WDR48: variants seen among roughly 807,000 people sequenced by gnomAD.
WDR48 encodes the protein WD repeat-containing protein 48.
Under a neutral mutation model 94.0 loss-of-function variants are expected in WDR48, and 22 were observed. The ratio of observed to expected loss-of-function variants is 0.23; its 90% CI spans 0.17 to 0.33. The LOEUF is 0.33. WDR48 is among the 10% of genes least tolerant of loss of function. WDR48 has a pLI of 1.00. For missense variants in WDR48, 541 were observed against 813.8 expected (o/e 0.66, Z 4.08); for synonymous variants, 278 against 280.5 (o/e 0.99, Z 0.09).
At chr3:39,090,364 A>C (rs1422218858) in intron 16 of WDR48, 1 of 152,090 alleles carries the variant, frequency 6.6e-6, no homozygotes, top group African/African-American at 2.4e-5. Flanking sequence ...TTAACCCTTT[A>C]ACTATTATCT....
chr3:39,053,481 T>C (rs1190367977), intron 1 of WDR48, among the ~76,000 whole-genome samples: 1 of 152,226 alleles, frequency 6.6e-6, no homozygotes, highest in Non-Finnish European at 1.5e-5. Flanking sequence ...TGTTTTTCAG[T>C]GCATTAGTGA....
At chr3:39,086,725 T>C (rs1417309300) in intron 14 of WDR48, among the ~76,000 whole-genome samples, 2 of 152,216 alleles carry the variant, frequency 1.3e-5, no homozygotes. Flanking sequence ...GATGGGATAC[T>C]CTCAGCCACC....
At chr3:39,089,468 G>T in intron 16 of WDR48, 150 bp downstream of exon 16, 1 of 523,062 alleles carries the variant, frequency 1.9e-6, no homozygotes, top group South Asian at 4.1e-5. Context: ...CAAAGTTGCA[G>T]AAATAGTACT....
chr3:39,054,393 TC>T (rs1329043978), intron 1 of WDR48, among the ~76,000 whole-genome samples: 1 of 152,174 alleles, frequency 6.6e-6, no homozygotes, highest in East Asian at 1.9e-4. Context: ...TAGTAGCATC[TC>T]CCCAGTTGTG....
Position 39,095,738 on chromosome 3 carries a change from G to A in WDR48, c.*995G>A, listed in dbSNP as rs2035304985. ...AAAGTTTTATATGCAGGTTTTTGTT[G>A]TACCTGTATCCAGATCTTCTTTTCA... is the stretch of plus-strand genomic sequence containing the variant. On this transcript the variant is annotated 3_prime_UTR_variant, in exon 19 of 19. Coordinates refer to ENST00000302313, the MANE Select transcript of WDR48 (RefSeq NM_020839.4). The A allele has an allele frequency of 6.6e-6, 1 of 152,516 alleles. No homozygotes were observed. Among genetic ancestry groups the A allele is most frequent in the Non-Finnish European group, 1.5e-5 (1 of 68,014 alleles). The allele number at this position is 152,516 out of a possible 1,614,324, so 9.4% of individuals were successfully genotyped here.
At chr3:39,061,968 ATTTG>A (rs1289914351) in intron 1 of WDR48, among the ~76,000 whole-genome samples, 1 of 152,028 alleles carries the variant, frequency 6.6e-6, no homozygotes, top group Non-Finnish European at 1.5e-5. Flanking sequence ...GTTGTTGTAC[ATTTG>A]TTTAAGTTCT....
intron 14 of WDR48, among the ~76,000 whole-genome samples, chr3:39,087,072 CAGAG>C (rs1204490587): frequency 6.6e-6 from 1 of 152,078 alleles, no homozygotes; most frequent in African/African-American, 2.4e-5. Flanking sequence ...TCTGGTATGG[CAGAG>C]AGTTACTTAT....
At position 39,091,721 on chromosome 3, in the gene WDR48, C is replaced by T; in HGVS notation, c.1745+20C>T. 1 of 1,571,394 alleles carries T rather than the reference C, an allele frequency of 6.4e-7. No homozygotes were observed. On this transcript the variant is annotated intron_variant, in intron 17 of 18. Transcript: ENST00000302313. ...AAAAAAGTAAGTAAATATATGGTTTCTTGATCTAATTAACTACTAGAGAGA... is the reference window on the plus strand; with the variant it reads ...AAAAAAGTAAGTAAATATATGGTTTTTTGATCTAATTAACTACTAGAGAGA...
chr3:39,092,581 C>T lies in WDR48; in HGVS notation c.1745+880C>T, dbSNP rs140738271. Among the ~76,000 whole-genome samples, 8 of 152,152 alleles carry T rather than the reference C, an allele frequency of 5.3e-5. No individual in the cohort carries two copies. In the East Asian group the frequency reaches 9.7e-4, roughly 18 times the overall value. ...TGGATTTGAATGCCAAGCCATAGAG[C>T]GTGCAGTGACTAAACACCAGAAACT... On this transcript the variant is annotated intron_variant, in intron 17 of 18. Transcript: ENST00000302313.
intron 7 of WDR48, among the ~76,000 whole-genome samples, chr3:39,070,252 A>G (rs1383865716): frequency 6.6e-6 from 1 of 152,244 alleles, no homozygotes; most frequent in Non-Finnish European, 1.5e-5. Flanking sequence ...TGAATTATAA[A>G]TCACAATTCT....
At position 39,065,879 on chromosome 3, in the gene WDR48, T is replaced by C; in HGVS notation, c.258T>C (p.Asn86=). 6.3e-7 allele frequency: 1 copy of C among 1,592,044 alleles called. No homozygotes were observed. Among genetic ancestry groups the C allele is most frequent in the South Asian group, 1.2e-5 (1 of 86,068 alleles). The change falls in exon 3 of 19, where the codon AAT becomes AAC. Residue 86 remains asparagine, a synonymous_variant. Coordinates refer to ENST00000302313, the MANE Select transcript of WDR48 (RefSeq NM_020839.4). ...DWVNDIVLCC[N]GKTLISASSD... is the part of the protein sequence containing the mutation. ...TAAACGACATTGTACTCTGTTGTAA[T>C]GGGAAAACATGTAAGTATTTCTTTG...
intron 7 of WDR48, among the ~76,000 whole-genome samples, chr3:39,074,165 C>G (rs940019405): frequency 2.0e-5 from 3 of 152,210 alleles, no homozygotes; most frequent in Non-Finnish European, 4.4e-5. Flanking sequence ...CTTTCAAACT[C>G]TATCTCCCTT....
chr3:39,072,397 C>A (rs2033990363), intron 7 of WDR48, among the ~76,000 whole-genome samples: 1 of 152,176 alleles, frequency 6.6e-6, no homozygotes, highest in Non-Finnish European at 1.5e-5. Flanking sequence ...TACAAGTCTG[C>A]TGATCCTAGC....
intron 16 of WDR48, 32 bp downstream of exon 16, chr3:39,089,350 TA>T (rs2034969609): frequency 1.3e-6 from 2 of 1,588,326 alleles, no homozygotes; most frequent in African/African-American, 2.7e-5. Context: ...TTTGCTCTTT[TA>T]TTTTTTTGTA....
intron 7 of WDR48, among the ~76,000 whole-genome samples, chr3:39,070,093 A>G (rs768042376): frequency 2.0e-5 from 3 of 152,244 alleles, no homozygotes; most frequent in Non-Finnish European, 4.4e-5. Flanking sequence ...ATTTGCTCAC[A>G]GTGGGTCTGA....
In WDR48 at chr3:39,084,926, G is replaced by A. The variant is rs112463956; in HGVS notation, c.1378+185G>A. Among the ~76,000 whole-genome samples the A allele has an allele frequency of 4.2e-3, 633 of 152,226 alleles. 9 individuals are homozygous for A. Among genetic ancestry groups the A allele is most frequent in the African/African-American group, 0.014 (599 of 41,530 alleles). On this transcript the variant is annotated intron_variant, in intron 13 of 18. Coordinates refer to ENST00000302313, the MANE Select transcript of WDR48 (RefSeq NM_020839.4). ...TTAGTAATTTCATATGGAAATAGCC[G>A]TTTAAAGAATCTGATTCTCGGCCAG...
chr3:39,092,777 G>A (rs185586737), intron 17 of WDR48, among the ~76,000 whole-genome samples: 396 of 152,062 alleles, frequency 2.6e-3, no homozygotes, highest in Admixed American at 3.8e-3. Flanking sequence ...AAGCTAGTGA[G>A]CCCCCATCGT....
Position 39,076,784 on chromosome 3 carries a change from T to C in WDR48, c.898-355T>C, listed in dbSNP as rs572102649. Among the ~76,000 whole-genome samples, 15 of 152,330 alleles carry C rather than the reference T, an allele frequency of 9.8e-5. No homozygotes were observed. In the South Asian group the frequency reaches 1.9e-3, roughly 19 times the overall value. The stretch of plus-strand genomic sequence containing the variant: ...AGACATTTTCAAAGTAAAAAGAAAT[T>C]TATTTCCTTGTTACTATAGAAACAT... On this transcript the variant is annotated intron_variant, in intron 8 of 18. Transcript: ENST00000302313.
intron 14 of WDR48, among the ~76,000 whole-genome samples, chr3:39,086,802 T>G (rs2034831151): frequency 6.6e-6 from 1 of 152,058 alleles, no homozygotes. Flanking sequence ...GATCTAGGCT[T>G]TGGGTGAGGA....
Sources: gnomAD v4.1 joint callset for allele counts (sites outside exome capture counted in the v4.1 genomes callset) on GRCh38, gnomAD v4.1.1 for gene constraint, MANE v1.5 for transcripts, NCBI Gene and HGNC (gene_info 2026-07-23, HGNC 2026-07-21) for gene names.